Variants in ZNF106 observed in about 807,000 individuals in gnomAD.
The protein encoded by ZNF106 is SH3-domain binding protein 3.
Under a neutral mutation model 195.1 loss-of-function variants are expected in ZNF106, and 67 were observed. The observed-to-expected ratio is 0.34, with a 90% CI of 0.28 to 0.42. The LOEUF is 0.42. Among genes scored for constraint, ZNF106 ranks in the 10% least tolerant of loss-of-function variants. The pLI is 1.00. For synonymous variants in ZNF106, 784 were observed against 818.6 expected (o/e 0.96, Z 0.72); for missense variants, 2,118 against 2,304.5 (o/e 0.92, Z 1.66).
At position 42,466,087 on chromosome 15, in the gene ZNF106, ACATGCTCCG is replaced by A. The variant is rs1288120857; in HGVS notation, c.73_81del (p.Arg25_Met27del). The A allele has an allele frequency of 6.5e-7, 1 of 1,534,618 alleles. No homozygotes were observed. The highest frequency in any genetic ancestry group is 8.7e-7 in the Non-Finnish European group (1 of 1,146,300). On this transcript the variant is annotated inframe_deletion, in exon 3 of 22. Coordinates refer to ENST00000564754, the MANE Select transcript of ZNF106 (RefSeq NM_001366845.3). ...AGGTTCTCAAGTTCCCTGTGATGCA[ACATGCTCCG>A]CATGTGTTCGTCCATCTCCTTCAAA... is the stretch of plus-strand genomic sequence containing the variant.
chr15:42,441,839 A>C (rs1166811688), intron 10 of ZNF106: 1 of 355,100 alleles, frequency 2.8e-6, no homozygotes. Context: ...TGCTAATACA[A>C]AGTCAACTCT....
chr15:42,445,086 T>A, intron 7 of ZNF106, 105 bp from the exon 8 acceptor site: 1 of 1,318,044 alleles, frequency 7.6e-7, no homozygotes, highest in Non-Finnish European at 1.0e-6. Flanking sequence ...AGACTTTATG[T>A]TCTCCTCAGT....
chr15:42,475,347 C>T (rs1467292382), intron 1 of ZNF106, among the ~76,000 whole-genome samples: 1 of 152,148 alleles, frequency 6.6e-6, no homozygotes, highest in Non-Finnish European at 1.5e-5. Context: ...GAGGCTGAGG[C>T]AGGAGAATCG....
intron 1 of ZNF106, among the ~76,000 whole-genome samples, chr15:42,477,905 AAAAC>A (rs1439502880): frequency 3.3e-5 from 5 of 152,148 alleles, no homozygotes; most frequent in Middle Eastern, 3.4e-3. Flanking sequence ...AAAACAAAAA[AAAAC>A]AAACAAAAAA....
In ZNF106 at chr15:42,442,418, G is replaced by T. The variant is rs1349730277; in HGVS notation, c.3422-4C>A. On this transcript the variant is annotated splice_polypyrimidine_tract_variant and splice_region_variant and intron_variant, in intron 9 of 21. Transcript: ENST00000564754. ...TGCTCAGAAGGTTCATATGTTTCTA[G>T]AATGGGAAACATACATACATAGAAA... The T allele has an allele frequency of 6.3e-7, 1 of 1,599,998 alleles. No individual in the cohort carries two copies. Among genetic ancestry groups the T allele is most frequent in the Non-Finnish European group, 8.5e-7 (1 of 1,170,630 alleles).
chr15:42,471,320 A>T (rs1223851812), intron 2 of ZNF106, among the ~76,000 whole-genome samples: 1 of 152,234 alleles, frequency 6.6e-6, no homozygotes, highest in African/African-American at 2.4e-5. Context: ...AGAGCATCTT[A>T]AAAGCAAAGA....
In ZNF106 at chr15:42,483,553, A is replaced by G. The variant is rs145489967; in HGVS notation, c.-33+7427T>C. Among the ~76,000 whole-genome samples the G allele has an allele frequency of 4.5e-4, 68 of 152,276 alleles. No homozygotes were observed. The East Asian group carries it at 0.012, about 28-fold the overall frequency. ...ACATACATGGTTTGCTCAACCATAC[A>G]CTGAAAAAACTATTCTCATGCATGC... On this transcript the variant is annotated intron_variant, in intron 1 of 21. Coordinates refer to ENST00000564754, the MANE Select transcript of ZNF106 (RefSeq NM_001366845.3).
intron 17 of ZNF106, among the ~76,000 whole-genome samples, chr15:42,423,728 T>C (rs965917295): frequency 2.0e-5 from 3 of 152,208 alleles, no homozygotes; most frequent in Non-Finnish European, 4.4e-5. Flanking sequence ...ATCCACTTTC[T>C]GGAAGCCTCA....
chr15:42,422,705 T>C, intron 17 of ZNF106, 85 bp from the exon 18 acceptor site: 1 of 1,401,252 alleles, frequency 7.1e-7, no homozygotes, highest in South Asian at 1.4e-5. Flanking sequence ...AGAGGCATAA[T>C]TCTGAGGATA....
At chr15:42,453,150 C>T in intron 4 of ZNF106, among the ~76,000 whole-genome samples, 1 of 152,074 alleles carries the variant, frequency 6.6e-6, no homozygotes, top group East Asian at 1.9e-4. Context: ...TTGTCCAGTA[C>T]CCATTCAATA....
chr15:42,420,955 T>C (rs2054630287), intron 20 of ZNF106, 106 bp downstream of exon 20: 2 of 1,025,918 alleles, frequency 1.9e-6, no homozygotes, highest in Middle Eastern at 2.1e-4. Flanking sequence ...ATAAAGTAGA[T>C]GCTAAAATAT....
chr15:42,451,490 C>A lies in ZNF106; in HGVS notation c.782G>T (p.Ser261Ile). The change falls in exon 5 of 22, where the codon AGT (serine) becomes ATT (isoleucine). Residue 261 changes from serine (S) to isoleucine (I), a missense_variant. Physicochemically the swap from Ser to Ile is moderately radical, Grantham distance 142. Coordinates refer to ENST00000564754, the MANE Select transcript of ZNF106 (RefSeq NM_001366845.3). ...SVRSTNNWNYSGPGDKFQPGR... is the reference protein window; with the variant it reads ...SVRSTNNWNYIGPGDKFQPGR... ...TGGTTGAAATTTGTCTCCAGGGCCA[C>A]TGTAATTCCAATTATTTGTACTACG... 1 of 1,614,222 alleles carries A rather than the reference C, an allele frequency of 6.2e-7. No homozygotes were observed. The highest frequency in any genetic ancestry group is 8.5e-7 in the Non-Finnish European group (1 of 1,180,048).
chr15:42,478,395 C>G (rs2056829230), intron 1 of ZNF106, among the ~76,000 whole-genome samples: 2 of 152,074 alleles, frequency 1.3e-5, no homozygotes, highest in South Asian at 4.1e-4. Context: ...AACTCCTGAC[C>G]TTGTGATCCA....
intron 13 of ZNF106, 43 bp from the exon 14 acceptor site, chr15:42,435,561 G>A: frequency 6.2e-7 from 1 of 1,610,148 alleles, no homozygotes; most frequent in Non-Finnish European, 8.5e-7. Context: ...ATGAGATATA[G>A]GAGGATTAGA....
chr15:42,442,792 T>C (rs1249914504), intron 9 of ZNF106, among the ~76,000 whole-genome samples: 1 of 151,718 alleles, frequency 6.6e-6, no homozygotes, highest in Non-Finnish European at 1.5e-5. Flanking sequence ...ATTATTGTTA[T>C]TATTTTTTTG....
rs544709461 is a variant in ZNF106, at chr15:42,444,166, A to G, written c.3421+36T>C. The G allele has an allele frequency of 1.2e-5, 17 of 1,426,600 alleles. No individual in the cohort carries two copies. The East Asian group carries it at 3.7e-4, about 31-fold the overall frequency. The allele number at this position is 1,426,600 out of a possible 1,614,324, so 88.4% of individuals were successfully genotyped here. A position where few individuals can be genotyped will look rare whatever the true frequency, so the allele number is the denominator to read the frequency against. ...AGAGAAAACAAAAAAGTAACACGCT[A>G]TAGAGGGCCCAATCCATCAGATGCC... On this transcript the variant is annotated intron_variant, in intron 9 of 21. Transcript: ENST00000564754.
chr15:42,461,893 T>C (rs2056399285), intron 3 of ZNF106, among the ~76,000 whole-genome samples: 2 of 152,188 alleles, frequency 1.3e-5, no homozygotes, highest in Non-Finnish European at 2.9e-5. Flanking sequence ...AGACCGTCCT[T>C]ACAGTAAATG....
At chr15:42,463,733 G>C (rs1273931110) in intron 3 of ZNF106, among the ~76,000 whole-genome samples, 3 of 152,258 alleles carry the variant, frequency 2.0e-5, no homozygotes, top group African/African-American at 7.2e-5. Context: ...CCAGGAGTTC[G>C]AGGTTGCAGT....
chr15:42,436,660 G>C (rs886176259), intron 13 of ZNF106, among the ~76,000 whole-genome samples: 2 of 152,178 alleles, frequency 1.3e-5, no homozygotes, highest in African/African-American at 4.8e-5. Context: ...TCTTTTGAGA[G>C]TAATAAGCAT....
Sources: gnomAD v4.1 joint callset for allele counts (sites outside exome capture counted in the v4.1 genomes callset) on GRCh38, gnomAD v4.1.1 for gene constraint, MANE v1.5 for transcripts, NCBI Gene and HGNC (gene_info 2026-07-23, HGNC 2026-07-21) for gene names.